Variants in PDE10A observed in about 807,000 individuals in gnomAD.
The protein encoded by PDE10A is phosphodiesterase 10A.
PDE10A carries 39 observed loss-of-function variants against 97.7 expected under a neutral mutation model. That is an observed-to-expected ratio of 0.40 (90% CI 0.31 to 0.52). The LOEUF (loss-of-function observed/expected upper bound fraction) is 0.52, where lower values mean the gene tolerates loss of function less well. PDE10A is among the 20% of genes least tolerant of loss of function. PDE10A has a pLI of 0.56. For synonymous variants in PDE10A, 371 were observed against 376.8 expected, an observed-to-expected ratio of 0.98 and a Z score of 0.18; for missense variants, 731 against 1,047.8, an observed-to-expected ratio of 0.70 and a Z score of 4.17.
chr6:165,741,617 C>A (rs953955776), intron 1 of PDE10A, among the ~76,000 whole-genome samples: 1 of 152,104 alleles, frequency 6.6e-6, no homozygotes, highest in Non-Finnish European at 1.5e-5. Flanking sequence ...AAAAGCATGT[C>A]ATTTTACAGC....
At chr6:165,727,429 G>C (rs1303714544) in intron 1 of PDE10A, among the ~76,000 whole-genome samples, 5 of 152,196 alleles carry the variant, frequency 3.3e-5, no homozygotes, top group Admixed American at 1.3e-4. Flanking sequence ...CCAGGAGCCT[G>C]GGGCTTTTCA....
chr6:165,392,668 T>A lies in PDE10A; in HGVS notation c.2432A>T (p.His811Leu). The A allele has an allele frequency of 1.9e-6, 3 of 1,613,936 alleles. No individual in the cohort carries two copies. Among genetic ancestry groups the A allele is most frequent in the Non-Finnish European group, 2.5e-6 (3 of 1,179,874 alleles). ...CACCTCAAGGTCTGTGAAAAGCGTG[T>A]GATTGTTCTGAAGTATGGCATACAT... ...HCMYAILQNNHTLFTDLERKG... is the reference protein window; with the variant it reads ...HCMYAILQNNLTLFTDLERKG... Residue 811 changes from histidine to leucine, a missense_variant, in exon 16 of 22, where the codon CAC becomes CTC. By Grantham distance (99) the His-to-Leu change is moderately conservative (BLOSUM62 -3). Transcript: ENST00000539869.
chr6:165,361,935 A>G (rs1255214963), intron 18 of PDE10A, among the ~76,000 whole-genome samples: 5 of 152,214 alleles, frequency 3.3e-5, no homozygotes, highest in African/African-American at 7.2e-5. Context: ...ATATGAATAC[A>G]ATAACAAATG....
intron 1 of PDE10A, among the ~76,000 whole-genome samples, chr6:165,936,037 T>G (rs1427097428): frequency 6.6e-6 from 1 of 152,244 alleles, no homozygotes; most frequent in Non-Finnish European, 1.5e-5. Context: ...TAAGGAAGAA[T>G]TCCGGATGGA....
intron 1 of PDE10A, among the ~76,000 whole-genome samples, chr6:165,701,888 T>C (rs1791587931): frequency 6.6e-6 from 1 of 151,970 alleles, no homozygotes; most frequent in Non-Finnish European, 1.5e-5. Flanking sequence ...TCTTGATGAA[T>C]GATGGTTACT....
At chr6:165,528,743 A>G (rs1054222864) in intron 2 of PDE10A, among the ~76,000 whole-genome samples, 1 of 152,190 alleles carries the variant, frequency 6.6e-6, no homozygotes, top group Admixed American at 6.5e-5. Flanking sequence ...GCTGATGTTC[A>G]TGGAATTCAC....
At chr6:165,693,859 C>G (rs1052013424) in intron 1 of PDE10A, among the ~76,000 whole-genome samples, 6 of 152,178 alleles carry the variant, frequency 3.9e-5, no homozygotes, top group Non-Finnish European at 8.8e-5. Context: ...AAACAGTTCT[C>G]AGGCTTCAAA....
At chr6:165,874,919 C>T (rs540576134) in intron 1 of PDE10A, among the ~76,000 whole-genome samples, 32 of 152,216 alleles carry the variant, frequency 2.1e-4, no homozygotes, top group African/African-American at 7.7e-4. Context: ...TGAGAAAGGA[C>T]ACTGGGTCAG....
intron 1 of PDE10A, among the ~76,000 whole-genome samples, chr6:165,817,405 T>C (rs1020296984): frequency 2.6e-5 from 4 of 151,028 alleles, no homozygotes; most frequent in Non-Finnish European, 5.9e-5. Context: ...CCCAGAAGAG[T>C]TGGTTCAGGG....
At position 165,448,494 on chromosome 6, in the gene PDE10A, A is replaced by G. The variant is rs570712308; in HGVS notation, c.1194+434T>C. Among the ~76,000 whole-genome samples, 189 of 152,284 alleles carry G rather than the reference A, an allele frequency of 1.2e-3. 1 individual carries two copies. The highest frequency in any genetic ancestry group is 2.3e-3 in the Non-Finnish European group (155 of 68,028). ...CTTAGGGATCTAGACACAAAGCCCT[A>G]GGACTTTTAGAGTCATCTGCAAAAA... On this transcript the variant is annotated intron_variant, in intron 5 of 21. Coordinates refer to ENST00000539869, the MANE Select transcript of PDE10A (RefSeq NM_001385079.1).
chr6:165,452,372 C>T (rs1218576008), intron 3 of PDE10A, among the ~76,000 whole-genome samples: 1 of 152,218 alleles, frequency 6.6e-6, no homozygotes, highest in Non-Finnish European at 1.5e-5. Context: ...TTGAACATTT[C>T]CTCCAAAGTT....
intron 1 of PDE10A, among the ~76,000 whole-genome samples, chr6:165,698,597 C>T (rs573834856): frequency 6.6e-6 from 1 of 152,312 alleles, no homozygotes; most frequent in African/African-American, 2.4e-5. Context: ...TGCCTGTAAT[C>T]CCAGGACTTT....
intron 18 of PDE10A, among the ~76,000 whole-genome samples, chr6:165,370,704 G>T (rs1333525463): frequency 1.4e-5 from 2 of 147,020 alleles, no homozygotes; most frequent in South Asian, 4.4e-4. Context: ...CCCAGGAATT[G>T]AACTCAGCTC....
chr6:165,422,701 T>C (rs1418317666), intron 10 of PDE10A, among the ~76,000 whole-genome samples: 1 of 152,058 alleles, frequency 6.6e-6, no homozygotes, highest in Non-Finnish European at 1.5e-5. Context: ...GAAAAGGAGA[T>C]GGGCTCAAGC....
intron 2 of PDE10A, among the ~76,000 whole-genome samples, chr6:165,525,093 C>T (rs1782352858): frequency 2.0e-5 from 3 of 152,066 alleles, no homozygotes; most frequent in African/African-American, 4.8e-5. Flanking sequence ...CCCCAATACT[C>T]CTTTGCTTCT....
chr6:165,671,128 C>A lies in PDE10A; in HGVS notation c.-614-127560G>T, dbSNP rs1022775975. 7.4e-6 allele frequency among the ~76,000 whole-genome samples: 1 copy of A among 135,566 alleles called. No individual in the cohort carries two copies. The highest frequency in any genetic ancestry group is 2.7e-5 in the African/African-American group (1 of 36,680). 88.9% of individuals were successfully genotyped at this position (135,566 alleles called of 152,430 possible). A position where few individuals can be genotyped will look rare whatever the true frequency, so the allele number is the denominator to read the frequency against. On this transcript the variant is annotated intron_variant, in intron 1 of 19. Coordinates refer to the PDE10A transcript ENST00000366882. This position sits in a 1 kb window ranked among gnomAD's most constrained non-coding sequence, Gnocchi z 4.6. ...TTAGAATCACCCTTTTTGGGTAAAA[C>A]GTTCACTAATTTTTTTTTTTTTAAG... is the stretch of plus-strand genomic sequence containing the variant.
intron 1 of PDE10A, among the ~76,000 whole-genome samples, chr6:165,794,751 T>A (rs966205136): frequency 3.3e-5 from 5 of 152,236 alleles, no homozygotes; most frequent in African/African-American, 1.2e-4. Context: ...TCCCTGAGAA[T>A]TGATGTCTCC....
chr6:165,658,357 G>A (rs929568607), intron 1 of PDE10A, among the ~76,000 whole-genome samples: 5 of 152,110 alleles, frequency 3.3e-5, no homozygotes, highest in South Asian at 4.1e-4. Context: ...GAAGCTATCC[G>A]CAGTCTGCAT....
chr6:165,854,823 T>C (rs1780674455), intron 1 of PDE10A, among the ~76,000 whole-genome samples: 1 of 152,118 alleles, frequency 6.6e-6, no homozygotes, highest in African/African-American at 2.4e-5. Context: ...GGGCGGCCCG[T>C]GGCCTTGGCG....
Sources: allele counts gnomAD v4.1 joint callset (sites outside exome capture counted in the v4.1 genomes callset), GRCh38; gene constraint gnomAD v4.1.1; non-coding constraint Gnocchi (gnomAD v3.1); transcripts MANE v1.5; gene names NCBI Gene and HGNC (gene_info 2026-07-23, HGNC 2026-07-21).